The following SMG6 variants were observed in gnomAD, a reference collection of about 807,000 sequenced individuals.
SMG6 encodes the protein SMG6 nonsense mediated mRNA decay factor.
A neutral mutation model predicts 142.2 loss-of-function variants in SMG6; 66 were observed. The ratio of observed to expected loss-of-function variants is 0.46; its 90% CI spans 0.38 to 0.57. SMG6 has a LOEUF of 0.57. Ranked by LOEUF, SMG6 falls within the 20% of genes least tolerant of loss-of-function variation. The pLI, the probability that SMG6 is intolerant of heterozygous loss-of-function variation, is 0.00. For missense variants in SMG6, 1,793 were observed against 1,832.0 expected, an observed-to-expected ratio of 0.98 and a Z score of 0.39; for synonymous variants, 779 against 702.4, an observed-to-expected ratio of 1.11 and a Z score of -1.72.
At chr17:2,280,408 G>A (rs2074758904) in intron 8 of SMG6, 1 of 158,488 alleles carries the variant, frequency 6.3e-6, no homozygotes, top group Admixed American at 6.5e-5. Context: ...GATTACAGGA[G>A]TGCGCTGCCA....
chr17:2,127,857 G>C, intron 13 of SMG6: 1 of 556,106 alleles, frequency 1.8e-6, no homozygotes, highest in South Asian at 1.4e-5. Flanking sequence ...GCTGAAGAGC[G>C]ATCTCCTGCT....
At chr17:2,104,154 T>C (rs1018601856) in intron 13 of SMG6, among the ~76,000 whole-genome samples, 1 of 152,024 alleles carries the variant, frequency 6.6e-6, no homozygotes, top group Non-Finnish European at 1.5e-5. Flanking sequence ...GGTTTCACCA[T>C]GTTAGCCAGG....
At chr17:2,291,432 G>C (rs1414894717) in intron 6 of SMG6, among the ~76,000 whole-genome samples, 1 of 151,958 alleles carries the variant, frequency 6.6e-6, no homozygotes, top group African/African-American at 2.4e-5. Flanking sequence ...GAAGGAATCA[G>C]GAAAAGACGG....
At chr17:2,290,548 A>G (rs2075008035) in intron 6 of SMG6, among the ~76,000 whole-genome samples, 1 of 152,252 alleles carries the variant, frequency 6.6e-6, no homozygotes, top group Non-Finnish European at 1.5e-5. Flanking sequence ...GGGTGTGAAG[A>G]CAACTTCTTA....
chr17:2,254,222 T>G (rs1008217755), intron 8 of SMG6, among the ~76,000 whole-genome samples: 1 of 152,228 alleles, frequency 6.6e-6, no homozygotes, highest in African/African-American at 2.4e-5. Context: ...GGACACGCTG[T>G]GTCTGCACTC....
Position 2,060,082 on chromosome 17 carries a change from CAT to C in SMG6, c.*1408_*1409del, listed in dbSNP as rs1328710975. 6.5e-6 allele frequency: 1 copy of C among 152,892 alleles called. No individual in the cohort carries two copies. The highest frequency in any genetic ancestry group is 1.5e-5 in the Non-Finnish European group (1 of 68,598). 9.5% of individuals were successfully genotyped at this position (152,892 alleles called of 1,614,324 possible). On this transcript the variant is annotated 3_prime_UTR_variant, in exon 19 of 19. Coordinates refer to ENST00000263073, the MANE Select transcript of SMG6 (RefSeq NM_017575.5). ...CTACACGGTACCCCATCGCTTCTGG[CAT>C]AGTCCTGGGCCTCAGGGAGGGCAGA...
chr17:2,208,897 T>C (rs2072766941), intron 10 of SMG6, among the ~76,000 whole-genome samples: 1 of 152,138 alleles, frequency 6.6e-6, no homozygotes, highest in South Asian at 2.1e-4. Flanking sequence ...AAGCGTAACA[T>C]GTCCAGGTGC....
At chr17:2,119,156 C>T (rs2069603291) in intron 13 of SMG6, among the ~76,000 whole-genome samples, 1 of 151,556 alleles carries the variant, frequency 6.6e-6, no homozygotes, top group South Asian at 2.1e-4. Context: ...CTCCCGGGTT[C>T]AAGCAATTCT....
At chr17:2,125,952 C>CAAAAAAA (rs562438656) in intron 13 of SMG6, among the ~76,000 whole-genome samples, 4 of 105,124 alleles carry the variant, frequency 3.8e-5, no homozygotes, top group Non-Finnish European at 7.4e-5. Context: ...GAACCCATCT[C>CAAAAAAA]AAAAAAAAAA....
chr17:2,123,182 C>T (rs1199794667), intron 13 of SMG6, among the ~76,000 whole-genome samples: 1 of 152,222 alleles, frequency 6.6e-6, no homozygotes, highest in African/African-American at 2.4e-5. Context: ...CTTCCCCAGG[C>T]CTGGGTGGGA....
chr17:2,121,534 T>C (rs909617272), intron 13 of SMG6, among the ~76,000 whole-genome samples: 1 of 140,016 alleles, frequency 7.1e-6, no homozygotes, highest in South Asian at 2.3e-4. Context: ...TATAATTATA[T>C]GATTATTTAT....
At chr17:2,264,068 T>A (rs1365973848) in intron 8 of SMG6, among the ~76,000 whole-genome samples, 1 of 138,074 alleles carries the variant, frequency 7.2e-6, no homozygotes, top group Non-Finnish European at 1.7e-5. Flanking sequence ...CTATATAAAG[T>A]GAGCTGCTCC....
chr17:2,104,532 A>G (rs9915112), intron 13 of SMG6, among the ~76,000 whole-genome samples: 46,773 of 151,750 alleles, frequency 0.31, 8,888 homozygotes, highest in African/African-American at 0.54. Context: ...AGCTCTTTAA[A>G]GAGGTTAAGG....
At chr17:2,135,700 A>C (rs1261755871) in intron 13 of SMG6, among the ~76,000 whole-genome samples, 1 of 152,088 alleles carries the variant, frequency 6.6e-6, no homozygotes, top group African/African-American at 2.4e-5. Context: ...GTTTTGACTG[A>C]TTGATTGAAA....
At chr17:2,087,275 T>C in intron 13 of SMG6, 2 of 1,278,916 alleles carry the variant, frequency 1.6e-6, no homozygotes, top group Admixed American at 2.4e-5. Flanking sequence ...AGAGAGCAGA[T>C]GAAGCAGGCA....
chr17:2,110,117 A>C (rs1488716995), intron 13 of SMG6, among the ~76,000 whole-genome samples: 1 of 151,320 alleles, frequency 6.6e-6, no homozygotes, highest in African/African-American at 2.4e-5. Context: ...ACAACACAGA[A>C]CTAAAAGCTG....
At position 2,238,781 on chromosome 17, in the gene SMG6, G is replaced by A. The variant is rs148098488; in HGVS notation, c.2724-2144C>T. ...TGGGTCAGACTGAAGTCTTGAACGA[G>A]CACCAGGTCAAATGTCCACATTTCC... On this transcript the variant is annotated intron_variant, in intron 9 of 18. Transcript: ENST00000263073. Among the ~76,000 whole-genome samples the A allele has an allele frequency of 6.2e-4, 94 of 152,280 alleles. 1 individual carries two copies. The highest frequency in any genetic ancestry group is 2.1e-3 in the African/African-American group (87 of 41,550).
chr17:2,213,968 T>C (rs2151752120), intron 10 of SMG6: 1 of 152,356 alleles, frequency 6.6e-6, no homozygotes, highest in East Asian at 1.9e-4. Context: ...ATTACTACTT[T>C]TACTGAACTA....
At chr17:2,303,565 A>C in intron 1 of SMG6, 68 bp downstream of exon 1, 1 of 1,360,442 alleles carries the variant, frequency 7.4e-7, no homozygotes, top group South Asian at 1.7e-5. Flanking sequence ...AGCGGGGAGG[A>C]GGCAGAGGAG....
Sources: allele counts gnomAD v4.1 joint callset (sites outside exome capture counted in the v4.1 genomes callset), GRCh38; gene constraint gnomAD v4.1.1; transcripts MANE v1.5; gene names NCBI Gene and HGNC (gene_info 2026-07-23, HGNC 2026-07-21).